The following RIT2 variants were observed in gnomAD, a reference collection of about 807,000 sequenced individuals.
RIT2 encodes GTP-binding protein Rit2.
RIT2 carries 24 observed loss-of-function variants against 23.7 expected under a neutral mutation model. The observed-to-expected ratio is 1.01, with a 90% CI of 0.73 to 1.43. The LOEUF (loss-of-function observed/expected upper bound fraction) is 1.43. Ranked by LOEUF, RIT2 falls within the 40% of genes most tolerant of loss-of-function variation. RIT2 has a pLI of 0.00. For synonymous variants in RIT2, 107 were observed against 91.1 expected (o/e 1.17, Z -0.99); for missense variants, 236 against 266.9 (o/e 0.88, Z 0.81).
intron 4 of RIT2, among the ~76,000 whole-genome samples, chr18:42,890,134 C>T (rs966546539): frequency 6.6e-6 from 1 of 151,820 alleles, no homozygotes; most frequent in African/African-American, 2.4e-5. Flanking sequence ...AATCATTTGA[C>T]TTGAGTGGTC....
intron 1 of RIT2, among the ~76,000 whole-genome samples, chr18:43,108,790 A>G (rs1913888079): frequency 6.6e-6 from 1 of 152,184 alleles, no homozygotes. Flanking sequence ...ACAGTATTGC[A>G]GTGAGTGATG....
intron 4 of RIT2, among the ~76,000 whole-genome samples, chr18:42,827,407 T>G (rs1906326099): frequency 1.3e-5 from 2 of 152,072 alleles, no homozygotes; most frequent in South Asian, 4.1e-4. Context: ...AGTAAAACAT[T>G]TCTTAAATCA....
intron 2 of RIT2, among the ~76,000 whole-genome samples, chr18:43,032,989 G>C (rs118144796): frequency 0.04 from 6,133 of 152,166 alleles, 146 homozygotes; most frequent in South Asian, 0.11. Context: ...AAGTAATGGG[G>C]AGTGGTTAAA....
intron 1 of RIT2, among the ~76,000 whole-genome samples, chr18:43,078,507 A>T (rs1913077056): frequency 6.6e-6 from 1 of 152,202 alleles, no homozygotes; most frequent in African/African-American, 2.4e-5. Context: ...CTTTTTATGG[A>T]TATATTCAAC....
At chr18:42,995,523 C>T (rs1266471849) in intron 2 of RIT2, among the ~76,000 whole-genome samples, 1 of 152,160 alleles carries the variant, frequency 6.6e-6, no homozygotes, top group African/African-American at 2.4e-5. Context: ...GCAGACCGGC[C>T]TTTATTAGTC....
chr18:42,859,241 T>G (rs1233643592), intron 4 of RIT2, among the ~76,000 whole-genome samples: 1 of 152,226 alleles, frequency 6.6e-6, no homozygotes, highest in Non-Finnish European at 1.5e-5. Context: ...TGTTTATTTT[T>G]GACATTAGTG....
At chr18:42,883,559 A>G (rs754130821) in intron 4 of RIT2, among the ~76,000 whole-genome samples, 41 of 152,280 alleles carry the variant, frequency 2.7e-4, no homozygotes, top group Non-Finnish European at 5.3e-4. Flanking sequence ...GCTTCGTCCA[A>G]CATATGAGAG....
At chr18:42,864,823 A>C (rs1327319453) in intron 4 of RIT2, among the ~76,000 whole-genome samples, 1 of 152,158 alleles carries the variant, frequency 6.6e-6, no homozygotes, top group African/African-American at 2.4e-5. Flanking sequence ...AATTTTTAGG[A>C]GGCTCCATAT....
chr18:42,877,982 T>C (rs983208849), intron 4 of RIT2, among the ~76,000 whole-genome samples: 81 of 151,978 alleles, frequency 5.3e-4, no homozygotes, highest in African/African-American at 1.9e-3. Context: ...AGATACCATA[T>C]TATGTATGTG....
chr18:42,978,892 G>A (rs942365129), intron 2 of RIT2, among the ~76,000 whole-genome samples: 3 of 152,036 alleles, frequency 2.0e-5, no homozygotes, highest in African/African-American at 7.2e-5. Flanking sequence ...AGTAACACTA[G>A]TCAACGCATG....
At chr18:42,959,237 G>T (rs1019049680) in intron 3 of RIT2, among the ~76,000 whole-genome samples, 1 of 152,112 alleles carries the variant, frequency 6.6e-6, no homozygotes, top group South Asian at 2.1e-4. Flanking sequence ...ATAATTTGAA[G>T]TCTTATTATT....
At chr18:42,933,966 C>T (rs1198998876) in intron 3 of RIT2, among the ~76,000 whole-genome samples, 7 of 147,294 alleles carry the variant, frequency 4.8e-5, no homozygotes, top group Admixed American at 4.1e-4. Flanking sequence ...TGCAGTGAGC[C>T]GAGATCACAC....
At chr18:42,744,800 G>C (rs1912879399) in intron 4 of RIT2, among the ~76,000 whole-genome samples, 2 of 152,074 alleles carry the variant, frequency 1.3e-5, no homozygotes, top group Non-Finnish European at 2.9e-5. Flanking sequence ...AAAATGAAAA[G>C]CAAACACCAC....
chr18:42,855,944 T>G (rs1032896178), intron 4 of RIT2, among the ~76,000 whole-genome samples: 5 of 152,148 alleles, frequency 3.3e-5, no homozygotes, highest in African/African-American at 9.7e-5. Context: ...CTGTCTTTAT[T>G]GAGAGTGATG....
At chr18:42,809,866 A>T (rs942233949) in intron 4 of RIT2, among the ~76,000 whole-genome samples, 4 of 127,176 alleles carry the variant, frequency 3.1e-5, no homozygotes, top group South Asian at 2.1e-4. Flanking sequence ...TATTATATAT[A>T]ATATATATAA....
At chr18:42,890,380 G>T (rs1908138541) in intron 4 of RIT2, among the ~76,000 whole-genome samples, 1 of 151,684 alleles carries the variant, frequency 6.6e-6, no homozygotes, top group Non-Finnish European at 1.5e-5. Context: ...TTATCTTGTA[G>T]ATAAAATTTT....
chr18:42,935,600 A>G (rs1163340135), intron 3 of RIT2, among the ~76,000 whole-genome samples: 2 of 152,120 alleles, frequency 1.3e-5, no homozygotes, highest in African/African-American at 4.8e-5. Context: ...TCATCTTTAT[A>G]CAGTCTTTGT....
chr18:42,862,498 GC>G (rs1907356270), intron 4 of RIT2, among the ~76,000 whole-genome samples: 1 of 152,098 alleles, frequency 6.6e-6, no homozygotes, highest in Non-Finnish European at 1.5e-5. Context: ...ACAAAAAGAT[GC>G]TTTGACTGAT....
intron 1 of RIT2, among the ~76,000 whole-genome samples, chr18:43,082,743 G>A (rs1406063478): frequency 6.6e-6 from 1 of 151,312 alleles, no homozygotes; most frequent in East Asian, 1.9e-4. Flanking sequence ...AAAATAATAA[G>A]AGCTATTTAT....
Sources: gnomAD v4.1 joint callset for allele counts (sites outside exome capture counted in the v4.1 genomes callset) on GRCh38, gnomAD v4.1.1 for gene constraint, MANE v1.5 for transcripts, NCBI Gene and HGNC (gene_info 2026-07-23, HGNC 2026-07-21) for gene names.